The following AMBRA1 variants were observed in gnomAD, a reference collection of about 807,000 sequenced individuals.
AMBRA1 encodes autophagy and beclin 1 regulator 1, also known as activating molecule in BECN1-regulated autophagy protein 1.
Under a neutral mutation model 125.4 loss-of-function variants are expected in AMBRA1, and 47 were observed. The observed-to-expected ratio is 0.37, with a 90% CI of 0.30 to 0.48. The LOEUF is 0.48. Ranked by LOEUF, AMBRA1 falls within the 20% of genes least tolerant of loss-of-function variation. The pLI, the probability that AMBRA1 is intolerant of heterozygous loss-of-function variation, is 0.99. For synonymous variants in AMBRA1, 626 were observed against 655.5 expected (o/e 0.95, Z 0.69); for missense variants, 1,331 against 1,693.4 (o/e 0.79, Z 3.76).
At chr11:46,564,917 G>A (rs1025634373) in intron 1 of AMBRA1, among the ~76,000 whole-genome samples, 2 of 152,064 alleles carry the variant, frequency 1.3e-5, no homozygotes, top group African/African-American at 2.4e-5. Context: ...CAGAAATCAC[G>A]GTAAATAAGT....
At chr11:46,454,579 CAAAAAAAAAA>C (rs777518872) in intron 11 of AMBRA1, among the ~76,000 whole-genome samples, 1 of 50,500 alleles carries the variant, frequency 2.0e-5, no homozygotes, top group Non-Finnish European at 5.4e-5. Context: ...ACTAAAAATA[CAAAAAAAAAA>C]AAAAAAAAAA....
At chr11:46,405,908 T>A (rs1179362864) in intron 17 of AMBRA1, among the ~76,000 whole-genome samples, 1 of 151,792 alleles carries the variant, frequency 6.6e-6, no homozygotes, top group South Asian at 2.1e-4. Context: ...ATTTTTTGTA[T>A]ATTTAGTAGA....
chr11:46,425,469 A>C (rs886979817), intron 14 of AMBRA1, among the ~76,000 whole-genome samples: 2 of 152,166 alleles, frequency 1.3e-5, no homozygotes, highest in Non-Finnish European at 2.9e-5. Flanking sequence ...TTCACTTTTT[A>C]AACTATCTAC....
intron 14 of AMBRA1, among the ~76,000 whole-genome samples, chr11:46,427,589 C>G (rs752321403): frequency 6.6e-6 from 1 of 152,178 alleles, no homozygotes; most frequent in South Asian, 2.1e-4. Context: ...TCTGACTCAG[C>G]AGATCTTAAG....
chr11:46,517,641 T>C (rs1388409603), intron 7 of AMBRA1, among the ~76,000 whole-genome samples: 8 of 149,800 alleles, frequency 5.3e-5, no homozygotes, highest in Middle Eastern at 6.3e-3. Flanking sequence ...GAGACCATCC[T>C]GGCTAACATG....
intron 11 of AMBRA1, among the ~76,000 whole-genome samples, chr11:46,450,325 T>C (rs1199154371): frequency 2.0e-5 from 3 of 152,190 alleles, no homozygotes; most frequent in African/African-American, 7.2e-5. Flanking sequence ...TACTATAGGA[T>C]TCCAACTGTA....
chr11:46,414,615 T>C (rs1363404041), intron 15 of AMBRA1, among the ~76,000 whole-genome samples: 11 of 152,182 alleles, frequency 7.2e-5, no homozygotes, highest in Admixed American at 7.2e-4. Flanking sequence ...CATATCAACC[T>C]GGCACTTCAC....
chr11:46,504,291 C>CTTT (rs1433398587), intron 9 of AMBRA1, among the ~76,000 whole-genome samples: 2 of 152,224 alleles, frequency 1.3e-5, no homozygotes, highest in Non-Finnish European at 2.9e-5. Context: ...CACACCACCT[C>CTTT]TTTTGTAGGC....
At position 46,593,986 on chromosome 11, in the gene AMBRA1, C is replaced by A. The variant is rs2044699190; in HGVS notation, c.-279G>T. On this transcript the variant is annotated 5_prime_UTR_variant, in exon 1 of 18. Transcript: ENST00000683756. Reference sequence around the variant, plus strand: ...CCTCGCGGACAACTCAGCCCTCGACCCGGCGCCGCCGCCGCTCAGGAGACA... The same window carrying A: ...CCTCGCGGACAACTCAGCCCTCGACACGGCGCCGCCGCCGCTCAGGAGACA... 2.5e-6 allele frequency: 1 copy of A among 398,564 alleles called. No homozygotes were observed. The highest frequency in any genetic ancestry group is 1.3e-4 in the South Asian group (1 of 7,862). The allele number at this position is 398,564 out of a possible 1,614,324, so 24.7% of individuals were successfully genotyped here. A position where few individuals can be genotyped will look rare whatever the true frequency, so the allele number is the denominator to read the frequency against.
Position 46,545,621 on chromosome 11 carries a change from A to G in AMBRA1, c.534T>C (p.Ser178=), listed in dbSNP as rs1952981655. The G allele has an allele frequency of 4.3e-6, 7 of 1,613,628 alleles. No individual in the cohort carries two copies. The highest frequency in any genetic ancestry group is 4.2e-6 in the Non-Finnish European group (5 of 1,179,738). The change falls in exon 5 of 18, where the codon AGT becomes AGC. Residue 178 remains serine, a synonymous_variant. Coordinates refer to ENST00000683756, the MANE Select transcript of AMBRA1 (RefSeq NM_001387011.1). Reference sequence around the variant, plus strand: ...GCACTCACCGGACCCGTTCCATCTCACTAGCTGTCTTCACCACAGCAAAGG... The same window carrying G: ...GCACTCACCGGACCCGTTCCATCTCGCTAGCTGTCTTCACCACAGCAAAGG... ...REPFAVVKTA[S]EMERVRLVRF...
intron 9 of AMBRA1, among the ~76,000 whole-genome samples, chr11:46,495,864 G>A (rs1241690398): frequency 9.2e-5 from 14 of 152,136 alleles, no homozygotes; most frequent in Admixed American, 9.2e-4. Context: ...ACTGAACAAA[G>A]TACAACTAAT....
chr11:46,536,133 C>T (rs745564534), intron 7 of AMBRA1, among the ~76,000 whole-genome samples: 13 of 152,160 alleles, frequency 8.5e-5, no homozygotes, highest in Non-Finnish European at 1.6e-4. Flanking sequence ...CCAAACAGGA[C>T]TTATATTGCA....
chr11:46,524,643 A>T (rs2135106311), intron 7 of AMBRA1, among the ~76,000 whole-genome samples: 1 of 152,212 alleles, frequency 6.6e-6, no homozygotes, highest in Middle Eastern at 3.4e-3. Context: ...CATGGTTATT[A>T]TGATTAAGAA....
chr11:46,429,515 T>G (rs1947347714), intron 14 of AMBRA1, among the ~76,000 whole-genome samples: 1 of 152,196 alleles, frequency 6.6e-6, no homozygotes, highest in Admixed American at 6.5e-5. Flanking sequence ...CAAAATGCCC[T>G]AGCTTCGTCC....
intron 11 of AMBRA1, among the ~76,000 whole-genome samples, chr11:46,488,286 T>C (rs904545866): frequency 6.6e-6 from 1 of 151,996 alleles, no homozygotes; most frequent in African/African-American, 2.4e-5. Context: ...TGAAACCCCA[T>C]CTCTACTAAA....
intron 1 of AMBRA1, among the ~76,000 whole-genome samples, chr11:46,565,416 CTTG>C (rs2043486408): frequency 6.6e-6 from 1 of 151,858 alleles, no homozygotes; most frequent in African/African-American, 2.4e-5. Flanking sequence ...CAGACAAAAA[CTTG>C]TTATCAGCTG....
intron 11 of AMBRA1, among the ~76,000 whole-genome samples, chr11:46,487,523 C>A (rs1300424224): frequency 6.6e-6 from 1 of 151,822 alleles, no homozygotes; most frequent in African/African-American, 2.4e-5. Context: ...GTTTGTAATA[C>A]ATATAGATGT....
chr11:46,505,323 A>G (rs1950993332), intron 9 of AMBRA1, among the ~76,000 whole-genome samples: 1 of 152,212 alleles, frequency 6.6e-6, no homozygotes. Flanking sequence ...AGAGGACAGG[A>G]GCAACCACAA....
intron 1 of AMBRA1, among the ~76,000 whole-genome samples, chr11:46,558,845 G>A (rs149080572): frequency 2.6e-4 from 40 of 152,276 alleles, no homozygotes; most frequent in African/African-American, 8.9e-4. Flanking sequence ...AATGTCTAGC[G>A]TAGAAGAGCA....
Sources: allele counts gnomAD v4.1 joint callset (sites outside exome capture counted in the v4.1 genomes callset), GRCh38; gene constraint gnomAD v4.1.1; transcripts MANE v1.5; gene names NCBI Gene and HGNC (gene_info 2026-07-23, HGNC 2026-07-21).